The following BCAS3 variants were observed in gnomAD, a reference collection of about 807,000 sequenced individuals.
BCAS3 encodes the protein BCAS3 microtubule associated cell migration factor.
BCAS3 carries 53 observed loss-of-function variants against 116.1 expected under a neutral mutation model. The observed-to-expected ratio is 0.46, with a 90% CI of 0.37 to 0.57. The LOEUF (loss-of-function observed/expected upper bound fraction) is 0.57, where lower values mean the gene tolerates loss of function less well. Ranked by LOEUF, BCAS3 falls within the 20% of genes least tolerant of loss-of-function variation. The probability of loss-of-function intolerance (pLI) is 0.00; values close to 1 mark genes in which losing one functional copy is unlikely to be tolerated. For missense variants in BCAS3, 917 were observed against 1,165.4 expected, an observed-to-expected ratio of 0.79 and a Z score of 3.10; for synonymous variants, 391 against 408.2, an observed-to-expected ratio of 0.96 and a Z score of 0.51.
At chr17:60,779,992 A>ATT (rs531877992) in intron 6 of BCAS3, among the ~76,000 whole-genome samples, 6 of 143,938 alleles carry the variant, frequency 4.2e-5, no homozygotes, top group Admixed American at 6.9e-5. Flanking sequence ...ACTATTTTTA[A>ATT]TTTTTTTTTT....
rs1275057242 is a variant in BCAS3 at position 61,258,770 on chromosome 17, G to A, written c.2426-109557G>A. ...CTCTGTAGTTGATTTGGGAAGCCAG[G>A]CATCACTCTGTGGAAGAACCACAGA... On this transcript the variant is annotated intron_variant, in intron 22 of 23. Coordinates refer to ENST00000407086, the MANE Select transcript of BCAS3 (RefSeq NM_017679.5). This position sits in a 1 kb window ranked among gnomAD's most constrained non-coding sequence, Gnocchi z 4.7. 6.6e-6 allele frequency among the ~76,000 whole-genome samples: 1 copy of A among 152,216 alleles called. No individual in the cohort carries two copies. Among genetic ancestry groups the A allele is most frequent in the Admixed American group, 6.5e-5 (1 of 15,288 alleles).
chr17:60,947,168 A>T, intron 13 of BCAS3, 51 bp from the exon 14 acceptor site: 1 of 1,522,062 alleles, frequency 6.6e-7, no homozygotes, highest in Non-Finnish European at 9.0e-7. Flanking sequence ...AGAATATTTC[A>T]TCCACATACA....
chr17:60,767,763 GT>G (rs2044265692), intron 6 of BCAS3, among the ~76,000 whole-genome samples: 1 of 151,972 alleles, frequency 6.6e-6, no homozygotes, highest in South Asian at 2.1e-4. Flanking sequence ...TGTGCATCTG[GT>G]TAAATGGTCG....
chr17:61,230,868 G>C (rs115055050), intron 22 of BCAS3, among the ~76,000 whole-genome samples: 1 of 151,728 alleles, frequency 6.6e-6, no homozygotes, highest in Admixed American at 6.6e-5. Flanking sequence ...AGAACTCTCC[G>C]AACTGCTTTC....
chr17:61,267,443 A>G (rs1332691429), intron 22 of BCAS3, among the ~76,000 whole-genome samples: 1 of 151,906 alleles, frequency 6.6e-6, no homozygotes, highest in East Asian at 2.0e-4. Context: ...TTTGAAAAGA[A>G]AAAACTAATT....
chr17:61,026,753 A>G lies in BCAS3; in HGVS notation c.1638-7913A>G, dbSNP rs2066274508. 2 of 1,001,050 alleles carry G rather than the reference A, an allele frequency of 2.0e-6. No homozygotes were observed. Among genetic ancestry groups the G allele is most frequent in the South Asian group, 1.5e-5 (1 of 66,838 alleles). The allele number at this position is 1,001,050 out of a possible 1,614,324, so 62.0% of individuals were successfully genotyped here. A position where few individuals can be genotyped will look rare whatever the true frequency, so the allele number is the denominator to read the frequency against. Reference sequence around the variant, plus strand: ...ACAGCAGAATTGTAAATGATTACTAATTTTTTAGTTATTTTTATCCATACT... The same window carrying G: ...ACAGCAGAATTGTAAATGATTACTAGTTTTTTAGTTATTTTTATCCATACT... On this transcript the variant is annotated intron_variant, in intron 16 of 23. Transcript: ENST00000407086. This position sits in a 1 kb window ranked among gnomAD's most constrained non-coding sequence, Gnocchi z 5.0.
rs148590203 is a variant in BCAS3 at position 61,191,302 on chromosome 17, T to G, written c.2425+106738T>G. On this transcript the variant is annotated intron_variant, in intron 22 of 23. Transcript: ENST00000407086. ...CCATAAAGTAATACTTTAATATGAA[T>G]AAAGACAAATTAGAAAGTGAGCAAG... 1.9e-3 allele frequency among the ~76,000 whole-genome samples: 286 copies of G among 151,958 alleles called. 2 individuals carry two copies. Among genetic ancestry groups the G allele is most frequent in the African/African-American group, 6.5e-3 (269 of 41,438 alleles).
At position 61,267,466 on chromosome 17, in the gene BCAS3, G is replaced by A. The variant is rs970090204; in HGVS notation, c.2426-100861G>A. On this transcript the variant is annotated intron_variant, in intron 22 of 23. Coordinates refer to ENST00000407086, the MANE Select transcript of BCAS3 (RefSeq NM_017679.5). ...GAAAAAACTAATTTAGGCCAGGTGCGGTGGCTCACGCCTGTTATCCCAGCA... is the reference window on the plus strand; with the variant it reads ...GAAAAAACTAATTTAGGCCAGGTGCAGTGGCTCACGCCTGTTATCCCAGCA... Among the ~76,000 whole-genome samples the A allele has an allele frequency of 9.9e-5, 15 of 151,714 alleles. No individual in the cohort carries two copies. In the East Asian group the frequency reaches 1.4e-3, roughly 14 times the overall value.
At chr17:60,776,967 A>G (rs1175666417) in intron 6 of BCAS3, among the ~76,000 whole-genome samples, 1 of 146,464 alleles carries the variant, frequency 6.8e-6, no homozygotes, top group African/African-American at 2.6e-5. Context: ...GTGAGCTGAG[A>G]TTGTGCCACT....
intron 2 of BCAS3, among the ~76,000 whole-genome samples, chr17:60,682,286 A>G (rs1164843413): frequency 2.0e-5 from 3 of 152,186 alleles, no homozygotes; most frequent in East Asian, 1.9e-4. Context: ...GTCTTGATTC[A>G]AAGAAGAACT....
chr17:60,849,636 G>C (rs758188241), intron 7 of BCAS3, among the ~76,000 whole-genome samples: 2 of 152,152 alleles, frequency 1.3e-5, no homozygotes, highest in East Asian at 3.8e-4. Context: ...GTGGTGCCTA[G>C]TACTGGTTTT....
At chr17:60,783,732 T>C (rs2046028718) in intron 6 of BCAS3, among the ~76,000 whole-genome samples, 1 of 152,252 alleles carries the variant, frequency 6.6e-6, no homozygotes, top group African/African-American at 2.4e-5. Flanking sequence ...CATTAACTTC[T>C]TATTTGCCTT....
rs1014280763 is a variant in BCAS3 at position 61,241,437 on chromosome 17, C to T, written c.2426-126890C>T. On this transcript the variant is annotated intron_variant, in intron 22 of 23. Transcript: ENST00000407086. The surrounding 1 kb of genome is among the most constrained non-coding windows in gnomAD (Gnocchi z 4.6). ...TTAATAAAATAATAGTTTGGGCCTGCGCAGTGGCTCACCCCTGTAATCCCA... is the reference window on the plus strand; with the variant it reads ...TTAATAAAATAATAGTTTGGGCCTGTGCAGTGGCTCACCCCTGTAATCCCA... 3.3e-5 allele frequency among the ~76,000 whole-genome samples: 5 copies of T among 152,086 alleles called. No individual in the cohort carries two copies. The highest frequency in any genetic ancestry group is 5.9e-5 in the Non-Finnish European group (4 of 68,012).
chr17:61,299,377 AGCTT>A (rs1411895240), intron 22 of BCAS3, among the ~76,000 whole-genome samples: 39 of 135,450 alleles, frequency 2.9e-4, no homozygotes, highest in Admixed American at 2.4e-3. Flanking sequence ...TGGGAGGCGG[AGCTT>A]GCAGTGAGCT....
chr17:60,809,772 A>G (rs2048625900), intron 7 of BCAS3, among the ~76,000 whole-genome samples: 1 of 152,294 alleles, frequency 6.6e-6, no homozygotes, highest in African/African-American at 2.4e-5. Flanking sequence ...AAATCTGAAT[A>G]GATGTGCAGA....
At position 60,955,386 on chromosome 17, in the gene BCAS3, A is replaced by ATTTTTTTTTTTTTTTTTTTTT. The variant is rs1016334366; in HGVS notation, c.1221+8053_1221+8054insTTTTTTTTTTTTTTTTTTTTT. ...AAAGGATCTAGTTCAGGGAAACTGA[A>ATTTTTTTTTTTTTTTTTTTTT]TTTTTTTTTTTTTTTTTTTGAGACA... is the stretch of plus-strand genomic sequence containing the variant. On this transcript the variant is annotated intron_variant, in intron 14 of 23. Coordinates refer to ENST00000407086, the MANE Select transcript of BCAS3 (RefSeq NM_017679.5). Among the ~76,000 whole-genome samples, 77 of 128,068 alleles carry ATTTTTTTTTTTTTTTTTTTTT rather than the reference A, an allele frequency of 6.0e-4. 10 individuals are homozygous for ATTTTTTTTTTTTTTTTTTTTT. The highest frequency in any genetic ancestry group is 2.6e-3 in the African/African-American group (73 of 28,274). The allele number at this position is 128,068 out of a possible 152,430, so 84.0% of individuals were successfully genotyped here.
At position 61,388,360 on chromosome 17, in the gene BCAS3, C is replaced by T; in HGVS notation, c.2594-3617C>T. On this transcript the variant is annotated intron_variant, in intron 23 of 23. Coordinates refer to ENST00000407086, the MANE Select transcript of BCAS3 (RefSeq NM_017679.5). The surrounding 1 kb of genome is among the most constrained non-coding windows in gnomAD (Gnocchi z 6.5). ...GTTCTTCATGTTGAACCTGTGACTCCTCTCCCCCTCCCCCACTCTGAACGG... is the reference window on the plus strand; with the variant it reads ...GTTCTTCATGTTGAACCTGTGACTCTTCTCCCCCTCCCCCACTCTGAACGG... 6.7e-6 allele frequency: 3 copies of T among 445,328 alleles called. No homozygotes were observed. The South Asian group carries it at 8.4e-5, about 13-fold the overall frequency. The allele number at this position is 445,328 out of a possible 1,614,324, so 27.6% of individuals were successfully genotyped here. A position where few individuals can be genotyped will look rare whatever the true frequency, so the allele number is the denominator to read the frequency against.
rs1466982677 is a variant in BCAS3, at chr17:61,365,532, C to T, written c.2426-2795C>T. Among the ~76,000 whole-genome samples the T allele has an allele frequency of 3.3e-5, 5 of 152,272 alleles. No individual in the cohort carries two copies. Among genetic ancestry groups the T allele is most frequent in the Non-Finnish European group, 7.3e-5 (5 of 68,032 alleles). On this transcript the variant is annotated intron_variant, in intron 22 of 23. Transcript: ENST00000407086. The surrounding 1 kb of genome is among the most constrained non-coding windows in gnomAD (Gnocchi z 4.6). Reference sequence around the variant, plus strand: ...TATTTTTAGTCGAGATGGCGTTTCACCATGTTGTCCAGGCTGGTCTCAAAC... The same window carrying T: ...TATTTTTAGTCGAGATGGCGTTTCATCATGTTGTCCAGGCTGGTCTCAAAC...
At chr17:60,909,388 T>A (rs1244214858) in intron 11 of BCAS3, among the ~76,000 whole-genome samples, 1 of 152,202 alleles carries the variant, frequency 6.6e-6, no homozygotes, top group Non-Finnish European at 1.5e-5. Flanking sequence ...AGCCATAGCA[T>A]GTGCCAGAAT....
Sources: allele counts gnomAD v4.1 joint callset (sites outside exome capture counted in the v4.1 genomes callset), GRCh38; gene constraint gnomAD v4.1.1; non-coding constraint Gnocchi (gnomAD v3.1); transcripts MANE v1.5; gene names NCBI Gene and HGNC (gene_info 2026-07-23, HGNC 2026-07-21).